Variants in CNOT4 observed in about 807,000 individuals in gnomAD.
CNOT4 encodes the protein CCR4-NOT transcription complex subunit 4, also known as CCR4-associated factor 4.
Under a neutral mutation model 73.8 loss-of-function variants are expected in CNOT4, and 8 were observed. The observed-to-expected ratio is 0.11, with a 90% CI of 0.06 to 0.20. The LOEUF (loss-of-function observed/expected upper bound fraction) is 0.20. Ranked by LOEUF, CNOT4 falls within the 10% of genes least tolerant of loss-of-function variation. CNOT4 has a pLI of 1.00. For synonymous variants in CNOT4, 293 were observed against 321.1 expected, an observed-to-expected ratio of 0.91 and a Z score of 0.94; for missense variants, 564 against 883.4, an observed-to-expected ratio of 0.64 and a Z score of 4.58.
At chr7:135,445,781 T>C (rs1338623783) in intron 1 of CNOT4, among the ~76,000 whole-genome samples, 1 of 152,216 alleles carries the variant, frequency 6.6e-6, no homozygotes, top group Non-Finnish European at 1.5e-5. Context: ...AATCAAATTC[T>C]GATACATGCT....
intron 2 of CNOT4, among the ~76,000 whole-genome samples, chr7:135,428,194 A>G (rs1243020705): frequency 6.6e-6 from 1 of 152,220 alleles, no homozygotes. Context: ...CTTTAAGCAC[A>G]TGGCAGCCCT....
At chr7:135,373,381 GA>G (rs1380769332) in intron 10 of CNOT4, among the ~76,000 whole-genome samples, 2 of 152,122 alleles carry the variant, frequency 1.3e-5, no homozygotes, top group African/African-American at 4.8e-5. Context: ...GTGAAGAAGG[GA>G]ACTATTAAGT....
At chr7:135,386,605 T>C (rs1407568058) in intron 10 of CNOT4, 1 of 152,190 alleles carries the variant, frequency 6.6e-6, no homozygotes, top group African/African-American at 2.4e-5. Context: ...AAATAAAATA[T>C]TAGGTAAGCA....
chr7:135,398,116 C>A, intron 8 of CNOT4, 53 bp downstream of exon 8: 1 of 978,456 alleles, frequency 1.0e-6, no homozygotes, highest in South Asian at 1.4e-5. Flanking sequence ...CATGGAATAC[C>A]TTGCTTTCGG....
chr7:135,402,912 A>G (rs1229457413), intron 7 of CNOT4, among the ~76,000 whole-genome samples: 3 of 152,226 alleles, frequency 2.0e-5, no homozygotes, highest in Non-Finnish European at 4.4e-5. Context: ...TAGTCTCATG[A>G]TTACTTTAAA....
chr7:135,404,329 G>A (rs2129483802), intron 7 of CNOT4, among the ~76,000 whole-genome samples: 1 of 152,276 alleles, frequency 6.6e-6, no homozygotes, highest in East Asian at 1.9e-4. Context: ...ACCATAGTTT[G>A]AGAATCACTG....
At chr7:135,455,951 T>C (rs929851796) in intron 1 of CNOT4, among the ~76,000 whole-genome samples, 2 of 152,222 alleles carry the variant, frequency 1.3e-5, no homozygotes, top group Non-Finnish European at 2.9e-5. Flanking sequence ...AATTGTGGGA[T>C]GGAAACTCAC....
intron 10 of CNOT4, among the ~76,000 whole-genome samples, chr7:135,365,775 T>C (rs1357768826): frequency 2.6e-5 from 4 of 152,186 alleles, no homozygotes; most frequent in East Asian, 3.8e-4. Flanking sequence ...CAGAGAGATA[T>C]TGTGACTAAA....
At chr7:135,387,026 T>C (rs1172156749) in intron 10 of CNOT4, 1 of 946,884 alleles carries the variant, frequency 1.1e-6, no homozygotes, top group Non-Finnish European at 1.3e-6. Flanking sequence ...GAGCCAGAGT[T>C]TGTTATAATA....
chr7:135,453,052 AC>A (rs1222231337), intron 1 of CNOT4, among the ~76,000 whole-genome samples: 3 of 152,140 alleles, frequency 2.0e-5, no homozygotes. Context: ...AGGGTATAAC[AC>A]CTTTGAAGTT....
At chr7:135,431,928 C>T (rs1323157560) in intron 2 of CNOT4, among the ~76,000 whole-genome samples, 1 of 152,084 alleles carries the variant, frequency 6.6e-6, no homozygotes. Flanking sequence ...TGTCATTTTT[C>T]CTCAAAATGA....
chr7:135,407,072 G>A (rs1429414450), intron 7 of CNOT4, among the ~76,000 whole-genome samples: 4 of 152,272 alleles, frequency 2.6e-5, no homozygotes, highest in Non-Finnish European at 5.9e-5. Flanking sequence ...CTTGCTCTGA[G>A]TTCACAGGAG....
At chr7:135,465,703 G>A (rs1327754576) in intron 1 of CNOT4, among the ~76,000 whole-genome samples, 1 of 151,884 alleles carries the variant, frequency 6.6e-6, no homozygotes, top group African/African-American at 2.4e-5. Context: ...TTAGGTGTGG[G>A]CGAATGTAAG....
chr7:135,394,532 T>C (rs1352574549), intron 9 of CNOT4, 117 bp from the exon 10 acceptor site: 4 of 798,694 alleles, frequency 5.0e-6, no homozygotes. Flanking sequence ...AAGTGCAAAA[T>C]CTATGTGACT....
intron 10 of CNOT4, among the ~76,000 whole-genome samples, chr7:135,392,188 A>C (rs572997989): frequency 2.0e-5 from 3 of 152,236 alleles, no homozygotes; most frequent in African/African-American, 7.2e-5. Context: ...ATTACAGGGT[A>C]CATTGATGTC....
intron 2 of CNOT4, among the ~76,000 whole-genome samples, chr7:135,432,915 C>T (rs1396493034): frequency 1.3e-5 from 2 of 152,166 alleles, no homozygotes; most frequent in Non-Finnish European, 1.5e-5. Context: ...CTTTTACATG[C>T]GATCTGCTAT....
chr7:135,414,208 C>T, intron 5 of CNOT4, 123 bp downstream of exon 5: 1 of 542,772 alleles, frequency 1.8e-6, no homozygotes, highest in Non-Finnish European at 3.2e-6. Context: ...GGTATGGACC[C>T]TAAGACAGAC....
intron 6 of CNOT4, 152 bp downstream of exon 6, chr7:135,413,336 T>C (rs573444268): frequency 1.2e-6 from 1 of 802,858 alleles, no homozygotes; most frequent in South Asian, 1.7e-5. Flanking sequence ...AGAACTGACC[T>C]TCCATTAAAC....
chr7:135,424,038 A>AC (rs1183659747), intron 2 of CNOT4, among the ~76,000 whole-genome samples: 8 of 124,920 alleles, frequency 6.4e-5, no homozygotes, highest in Middle Eastern at 3.8e-3. Context: ...ACAAACAAAC[A>AC]AAACACACAC....
Sources: allele counts gnomAD v4.1 joint callset (sites outside exome capture counted in the v4.1 genomes callset), GRCh38; gene constraint gnomAD v4.1.1; transcripts MANE v1.5; gene names NCBI Gene and HGNC (gene_info 2026-07-23, HGNC 2026-07-21).